The following DOCK9 variants were observed in gnomAD, a reference collection of about 807,000 sequenced individuals.
The protein encoded by DOCK9 is dedicator of cytokinesis 9.
In DOCK9, 89 loss-of-function variants were observed where a neutral mutation model predicts 263.3. The ratio of observed to expected loss-of-function variants is 0.34; its 90% confidence interval spans 0.28 to 0.40. The LOEUF (loss-of-function observed/expected upper bound fraction) is 0.40. Ranked by LOEUF, DOCK9 falls within the 10% of genes least tolerant of loss-of-function variation. The pLI is 1.00. For missense variants in DOCK9, 2,140 were observed against 2,603.4 expected, an observed-to-expected ratio of 0.82 and a Z score of 3.87; for synonymous variants, 976 against 973.1, an observed-to-expected ratio of 1.00 and a Z score of -0.06.
chr13:98,979,423 G>A (rs1876529537), upstream of DOCK9, among the ~76,000 whole-genome samples: 2 of 152,216 alleles, frequency 1.3e-5, no homozygotes, highest in South Asian at 4.1e-4. Flanking sequence ...AGGCAGTGGG[G>A]AGAACTGAGA....
chr13:99,079,897 G>A (rs564930772), intron 1 of DOCK9, among the ~76,000 whole-genome samples: 16 of 152,106 alleles, frequency 1.1e-4, no homozygotes, highest in African/African-American at 2.2e-4. Flanking sequence ...AAAATTAGCC[G>A]GGTGTGGTGG....
chr13:98,935,394 C>G (rs1474023420), intron 2 of DOCK9, among the ~76,000 whole-genome samples: 1 of 152,210 alleles, frequency 6.6e-6, no homozygotes, highest in African/African-American at 2.4e-5. Flanking sequence ...AAGTCCACAT[C>G]TGGGATAAGA....
At chr13:98,872,542 G>C (rs1227401734) in intron 27 of DOCK9, among the ~76,000 whole-genome samples, 3 of 152,126 alleles carry the variant, frequency 2.0e-5, no homozygotes, top group Non-Finnish European at 4.4e-5. Context: ...GAGTAGCCGG[G>C]ATAACAGGCA....
chr13:98,850,075 C>T lies in DOCK9; in HGVS notation c.3985G>A (p.Glu1329Lys). ...FTYWNKASTS[E>K]LMDFFTISEV... ...GATATTGTAAAAAAATCCATAAGTTCAGATGTTGAAGCCTTGTTCCAATAT... is the reference window on the plus strand; with the variant it reads ...GATATTGTAAAAAAATCCATAAGTTTAGATGTTGAAGCCTTGTTCCAATAT... Residue 1329 changes from glutamate to lysine, a missense_variant, in exon 36 of 53, where the codon GAA becomes AAA. Physicochemically the swap from Glu to Lys is moderately conservative, Grantham distance 56. This residue lies in a region of DOCK9 where 1,521 missense variants were observed against 1,741.7 expected (regional missense o/e 0.87). Coordinates refer to ENST00000682017, the MANE Select transcript of DOCK9 (RefSeq NM_001366683.2). The T allele has an allele frequency of 6.4e-7, 1 of 1,562,972 alleles. No homozygotes were observed. Among genetic ancestry groups the T allele is most frequent in the Non-Finnish European group, 8.6e-7 (1 of 1,157,730 alleles).
intron 1 of DOCK9, 76 bp from the exon 2 acceptor site, chr13:98,955,627 TAC>T: frequency 1.1e-6 from 1 of 945,428 alleles, no homozygotes; most frequent in Non-Finnish European, 1.6e-6. Flanking sequence ...TAGTATGTTC[TAC>T]TCTATGTTTT....
intron 7 of DOCK9, among the ~76,000 whole-genome samples, chr13:98,919,793 A>G (rs1356677085): frequency 1.3e-5 from 2 of 152,376 alleles, no homozygotes; most frequent in African/African-American, 4.8e-5. Flanking sequence ...CAGGTCTCCA[A>G]GTGAGAAAGC....
chr13:98,908,527 C>T (rs1327892334), intron 9 of DOCK9, among the ~76,000 whole-genome samples: 1 of 152,126 alleles, frequency 6.6e-6, no homozygotes, highest in African/African-American at 2.4e-5. Context: ...GTTGAAATAT[C>T]ATGCAGCTTG....
intron 41 of DOCK9, among the ~76,000 whole-genome samples, 158 bp downstream of exon 41, chr13:98,831,190 C>T (rs923702772): frequency 6.6e-6 from 1 of 152,180 alleles, no homozygotes; most frequent in Non-Finnish European, 1.5e-5. Context: ...AGTAATGGAA[C>T]ATGAAATAAA....
At chr13:99,053,617 C>G (rs1175670890) in intron 1 of DOCK9, among the ~76,000 whole-genome samples, 2 of 152,062 alleles carry the variant, frequency 1.3e-5, no homozygotes, top group Non-Finnish European at 2.9e-5. Flanking sequence ...TAACTCAGAC[C>G]CTTGTACAAA....
At chr13:98,849,776 C>T (rs2093507169) in intron 36 of DOCK9, among the ~76,000 whole-genome samples, 1 of 152,146 alleles carries the variant, frequency 6.6e-6, no homozygotes, top group African/African-American at 2.4e-5. Context: ...TAATAAATTT[C>T]ATGTTATTTT....
upstream of DOCK9, among the ~76,000 whole-genome samples, chr13:98,982,937 G>A (rs796155356): frequency 4.6e-5 from 7 of 152,086 alleles, no homozygotes; most frequent in African/African-American, 9.7e-5. Flanking sequence ...ACAAATAAAC[G>A]TGTTTTTAGC....
intron 32 of DOCK9, among the ~76,000 whole-genome samples, chr13:98,862,812 G>A (rs2141939915): frequency 6.6e-6 from 1 of 152,294 alleles, no homozygotes; most frequent in African/African-American, 2.4e-5. Context: ...ACCAAAAGTT[G>A]CCTGCAGCAT....
chr13:98,895,589 CG>C (rs1349503046), intron 15 of DOCK9, among the ~76,000 whole-genome samples: 1 of 149,952 alleles, frequency 6.7e-6, no homozygotes, highest in Non-Finnish European at 1.5e-5. Context: ...CGCTTGAACT[CG>C]GGAGGCGGAG....
At chr13:98,875,748 C>G (rs150816697) in intron 27 of DOCK9, among the ~76,000 whole-genome samples, 53 of 152,334 alleles carry the variant, frequency 3.5e-4, no homozygotes, top group African/African-American at 1.2e-3. Context: ...GTACATGTCA[C>G]CTATGAAACT....
At chr13:99,006,343 A>G (rs1883332539) in intron 1 of DOCK9, among the ~76,000 whole-genome samples, 1 of 152,222 alleles carries the variant, frequency 6.6e-6, no homozygotes, top group Non-Finnish European at 1.5e-5. Flanking sequence ...ATTCTTCGCA[A>G]GTTCACTTTT....
rs527723473 is a variant in DOCK9 at position 98,818,606 on chromosome 13, T to C, written c.5130+5792A>G. On this transcript the variant is annotated intron_variant, in intron 45 of 52. Transcript: ENST00000682017. Reference sequence around the variant, plus strand: ...AGTAAAAGCTGGTTGGGGGAAAATATTTCATAATATATTTATATTTTTAAT... The same window carrying C: ...AGTAAAAGCTGGTTGGGGGAAAATACTTCATAATATATTTATATTTTTAAT... 4.0e-4 allele frequency among the ~76,000 whole-genome samples: 61 copies of C among 151,718 alleles called. 1 individual carries two copies. In the South Asian group the frequency reaches 0.012, roughly 31 times the overall value.
chr13:98,809,506 G>C (rs767513868), intron 46 of DOCK9, 41 bp from the exon 47 acceptor site: 1 of 1,485,142 alleles, frequency 6.7e-7, no homozygotes, highest in Non-Finnish European at 9.1e-7. Flanking sequence ...CATGTGCAAA[G>C]AGGAGAATCG....
chr13:98,878,781 C>T (rs540994224), intron 27 of DOCK9, among the ~76,000 whole-genome samples: 7 of 152,292 alleles, frequency 4.6e-5, no homozygotes, highest in South Asian at 4.1e-4. Context: ...GTCTGCTTTA[C>T]GGGAGGAAAA....
At chr13:99,061,296 C>A (rs1211881505) in intron 1 of DOCK9, among the ~76,000 whole-genome samples, 1 of 152,080 alleles carries the variant, frequency 6.6e-6, no homozygotes, top group East Asian at 1.9e-4. Context: ...TTTCTCCTCC[C>A]CCAAAAAAAC....
Sources: gnomAD v4.1 joint callset for allele counts (sites outside exome capture counted in the v4.1 genomes callset) on GRCh38, gnomAD v4.1.1 for gene constraint, gnomAD v4.1.1 regional missense constraint, MANE v1.5 for transcripts, NCBI Gene and HGNC (gene_info 2026-07-23, HGNC 2026-07-21) for gene names.